FREM2: variants seen among roughly 807,000 people sequenced by gnomAD.
FREM2 encodes the protein FRAS1-related extracellular matrix protein 2.
Under a neutral mutation model 219.9 loss-of-function variants are expected in FREM2, and 119 were observed. The ratio of observed to expected loss-of-function variants is 0.54; its 90% CI spans 0.47 to 0.63. The LOEUF (loss-of-function observed/expected upper bound fraction) is 0.63. FREM2 is among the 30% of genes least tolerant of loss of function. The pLI is 0.00. For missense variants in FREM2, 4,030 were observed against 3,993.6 expected, an observed-to-expected ratio of 1.01 and a Z score of -0.25; for synonymous variants, 1,562 against 1,522.8, an observed-to-expected ratio of 1.03 and a Z score of -0.60.
At chr13:38,839,117 T>C (rs4943608) in intron 6 of FREM2, among the ~76,000 whole-genome samples, 21,536 of 152,272 alleles carry the variant, frequency 0.14, 1,758 homozygotes, top group Admixed American at 0.24. Context: ...TGGTCTTTGC[T>C]GTTGGTAATC....
rs139269075 is a variant in FREM2, at chr13:38,791,152, A to C, written c.6019+6344A>C. The stretch of plus-strand genomic sequence containing the variant: ...AACAAATTTAATTTGGAACCAGTGA[A>C]TAAAATAGATGCAGTACTTCTTCAA... On this transcript the variant is annotated intron_variant, in intron 6 of 23. Coordinates refer to ENST00000280481, the MANE Select transcript of FREM2 (RefSeq NM_207361.6). Among the ~76,000 whole-genome samples, 12 of 152,336 alleles carry C rather than the reference A, an allele frequency of 7.9e-5. No individual in the cohort carries two copies. In the East Asian group the frequency reaches 2.3e-3, roughly 29 times the overall value.
chr13:38,756,081 G>A (rs560609636), intron 2 of FREM2, among the ~76,000 whole-genome samples: 3 of 152,302 alleles, frequency 2.0e-5, no homozygotes, highest in South Asian at 4.1e-4. Context: ...CCAGAAAAGG[G>A]ATTGATTAAA....
In FREM2 at chr13:38,783,118, T is replaced by G; in HGVS notation, c.5690T>G (p.Val1897Gly). The G allele has an allele frequency of 6.2e-7, 1 of 1,613,970 alleles. No homozygotes were observed. Among genetic ancestry groups the G allele is most frequent in the African/African-American group, 1.3e-5 (1 of 75,032 alleles). Reference sequence around the variant, plus strand: ...TCCAAATACTCCGTTGAAGAAGATGTTGGTGAGCTGTTCATTCCCATCAGG... The same window carrying G: ...TCCAAATACTCCGTTGAAGAAGATGGTGGTGAGCTGTTCATTCCCATCAGG... ...PQSKYSVEED[V>G]GELFIPIRRS... is the part of the protein sequence containing the mutation. Residue 1897 changes from valine to glycine, a missense_variant, in exon 5 of 24, where the codon GTT (valine) becomes GGT (glycine). Transcript: ENST00000280481.
intron 2 of FREM2, among the ~76,000 whole-genome samples, chr13:38,709,832 T>G (rs1270911611): frequency 6.6e-6 from 1 of 152,006 alleles, no homozygotes; most frequent in African/African-American, 2.4e-5. Context: ...TAGTCCCAAT[T>G]GGTAGAAAAT....
intron 1 of FREM2, among the ~76,000 whole-genome samples, chr13:38,696,572 T>C (rs1025824581): frequency 4.6e-5 from 7 of 152,172 alleles, no homozygotes; most frequent in Non-Finnish European, 8.8e-5. Context: ...AACTCACTGA[T>C]TGGCCCAGAT....
intron 5 of FREM2, among the ~76,000 whole-genome samples, chr13:38,783,970 G>A (rs879823475): frequency 2.6e-5 from 4 of 152,218 alleles, no homozygotes; most frequent in Non-Finnish European, 5.9e-5. Flanking sequence ...TGGCGCGCAC[G>A]CGCCTGTAAT....
chr13:38,769,922 G>T, intron 4 of FREM2, 114 bp downstream of exon 4: 1 of 783,152 alleles, frequency 1.3e-6, no homozygotes, highest in South Asian at 1.5e-5. Flanking sequence ...TCCATAGAGA[G>T]AACCTTCTAG....
In FREM2 at chr13:38,692,295, G is replaced by A. The variant is rs758995312; in HGVS notation, c.4951G>A (p.Val1651Ile). Residue 1651 changes from valine to isoleucine, a missense_variant, in exon 1 of 24, where the codon GTT becomes ATT. By Grantham distance (29) the Val-to-Ile change is conservative (BLOSUM62 3). Transcript: ENST00000280481. ...AGTGATGAAGATCCAGGTCTTGGCT[G>A]TTGACAACAGTGTCCCCCAAATCGC... ...PQVMKIQVLA[V>I]DNSVPQIAVN... 5.6e-6 allele frequency: 9 copies of A among 1,612,000 alleles called. No individual in the cohort carries two copies. In the African/African-American group the frequency reaches 6.7e-5, roughly 12 times the overall value.
intron 6 of FREM2, among the ~76,000 whole-genome samples, chr13:38,787,986 G>T (rs1273604951): frequency 1.3e-5 from 2 of 151,844 alleles, no homozygotes; most frequent in Non-Finnish European, 2.9e-5. Flanking sequence ...GAGAGAAAAT[G>T]ACAGCACATC....
At chr13:38,734,713 TAGTG>T (rs1052572636) in intron 2 of FREM2, among the ~76,000 whole-genome samples, 1 of 150,366 alleles carries the variant, frequency 6.7e-6, no homozygotes, top group Non-Finnish European at 1.5e-5. Flanking sequence ...ATGAAAATAT[TAGTG>T]AGAAGAATTG....
intron 14 of FREM2, among the ~76,000 whole-genome samples, chr13:38,861,222 G>A (rs1353852408): frequency 6.6e-6 from 1 of 152,108 alleles, no homozygotes; most frequent in Non-Finnish European, 1.5e-5. Flanking sequence ...TCCATAAATT[G>A]TCAAGTGGCC....
At chr13:38,832,390 G>T (rs1261692679) in intron 6 of FREM2, among the ~76,000 whole-genome samples, 1 of 151,984 alleles carries the variant, frequency 6.6e-6, no homozygotes, top group Non-Finnish European at 1.5e-5. Flanking sequence ...TTTCTTAGTT[G>T]CAAAAGGAAT....
intron 2 of FREM2, 61 bp downstream of exon 2, chr13:38,697,848 T>G: frequency 1.1e-6 from 1 of 910,216 alleles, no homozygotes; most frequent in Non-Finnish European, 1.8e-6. Flanking sequence ...GGTTGCTCTC[T>G]GATGACATTA....
Position 38,687,473 on chromosome 13 carries a change from C to T in FREM2, c.129C>T (p.Arg43=). The T allele has an allele frequency of 6.3e-7, 1 of 1,591,418 alleles. No homozygotes were observed. Among genetic ancestry groups the T allele is most frequent in the Non-Finnish European group, 8.5e-7 (1 of 1,169,648 alleles). Residue 43 remains arginine, a synonymous_variant, in exon 1 of 24, where the codon CGC becomes CGT. Transcript: ENST00000280481. The part of the protein sequence containing the change: ...LLLLLLSLVS[R]VPAQPAAFGR... Reference sequence around the variant, plus strand: ...TGCTTCTCCTGTCACTGGTAAGCCGCGTCCCGGCACAGCCCGCTGCCTTCG... The same window carrying T: ...TGCTTCTCCTGTCACTGGTAAGCCGTGTCCCGGCACAGCCCGCTGCCTTCG...
chr13:38,707,328 A>G (rs1336115005), intron 2 of FREM2, among the ~76,000 whole-genome samples: 1 of 152,236 alleles, frequency 6.6e-6, no homozygotes, highest in Non-Finnish European at 1.5e-5. Flanking sequence ...CAAAGAAATT[A>G]TACAAAAAGA....
intron 16 of FREM2, among the ~76,000 whole-genome samples, chr13:38,869,000 C>T (rs1162394849): frequency 6.6e-6 from 1 of 152,208 alleles, no homozygotes; most frequent in Non-Finnish European, 1.5e-5. Context: ...CTCAACAATC[C>T]CACAGAGCCC....
rs989305589 is a variant in FREM2, at chr13:38,692,076, C to T, written c.4732C>T (p.His1578Tyr). The change falls in exon 1 of 24, where the codon CAT becomes TAT. Residue 1578 changes from histidine (H) to tyrosine (Y), a missense_variant. By Grantham distance (83) the His-to-Tyr change is moderately conservative (BLOSUM62 2). Around this residue, in one of 2 missense-constraint regions of FREM2, gnomAD observed 3,102 missense variants for 2,950.7 expected, o/e 1.05. Coordinates refer to ENST00000280481, the MANE Select transcript of FREM2 (RefSeq NM_207361.6). ...ATTCACTATCACCCAGGTGCCTATT[C>T]ATGGCCATCTCCTATTCAACAATAC... ...LKFTITQVPI[H>Y]GHLLFNNTRP... The T allele has an allele frequency of 9.3e-6, 15 of 1,614,082 alleles. No individual in the cohort carries two copies. Among genetic ancestry groups the T allele is most frequent in the Non-Finnish European group, 1.3e-5 (15 of 1,180,028 alleles).
Position 38,859,553 on chromosome 13 carries a change from G to T in FREM2, c.7482G>T (p.Glu2494Asp). The T allele has an allele frequency of 6.2e-7, 1 of 1,614,032 alleles. No homozygotes were observed. The highest frequency in any genetic ancestry group is 8.5e-7 in the Non-Finnish European group (1 of 1,180,000). Residue 2494 changes from glutamate to aspartate, a missense_variant, in exon 14 of 24, where the codon GAG (glutamate) becomes GAT (aspartate). Coordinates refer to ENST00000280481, the MANE Select transcript of FREM2 (RefSeq NM_207361.6). ...ACACCAATGGGGATGAAGGCCTGGAGCTCATGAGCCCTATTGTAACCATCA... is the reference window on the plus strand; with the variant it reads ...ACACCAATGGGGATGAAGGCCTGGATCTCATGAGCCCTATTGTAACCATCA... ...AVNTNGDEGL[E>D]LMSPIVTISR...
intron 16 of FREM2, among the ~76,000 whole-genome samples, chr13:38,867,403 T>A (rs918947083): frequency 6.6e-6 from 1 of 152,250 alleles, no homozygotes; most frequent in African/African-American, 2.4e-5. Context: ...TTTAGGATCT[T>A]GTTATAAAAT....
Sources: gnomAD v4.1 joint callset for allele counts (sites outside exome capture counted in the v4.1 genomes callset) on GRCh38, gnomAD v4.1.1 for gene constraint, gnomAD v4.1.1 regional missense constraint, MANE v1.5 for transcripts, NCBI Gene and HGNC (gene_info 2026-07-23, HGNC 2026-07-21) for gene names.